Variants in CHMP4C observed in about 807,000 individuals in gnomAD.
CHMP4C encodes charged multivesicular body protein 4C.
In CHMP4C, 28 loss-of-function variants were observed where a neutral mutation model predicts 29.0. The observed-to-expected ratio is 0.97, with a 90% confidence interval of 0.72 to 1.32. The LOEUF (loss-of-function observed/expected upper bound fraction) is 1.32, where lower values mean the gene tolerates loss of function less well. CHMP4C is among the 40% of genes most tolerant of loss of function. The pLI is 0.00. For synonymous variants in CHMP4C, 106 were observed against 102.4 expected (o/e 1.04, Z -0.21); for missense variants, 291 against 281.0 (o/e 1.04, Z -0.25).
At chr8:81,755,929 T>A (rs1410596859) in intron 3 of CHMP4C, among the ~76,000 whole-genome samples, 2 of 152,202 alleles carry the variant, frequency 1.3e-5, no homozygotes, top group African/African-American at 4.8e-5. Flanking sequence ...AGTGGCATTA[T>A]TAACACACAC....
chr8:81,735,298 G>A (rs1387235637), intron 1 of CHMP4C, among the ~76,000 whole-genome samples: 1 of 152,164 alleles, frequency 6.6e-6, no homozygotes, highest in Non-Finnish European at 1.5e-5. Context: ...AGTAAGAAGA[G>A]GCTGGTTAGC....
chr8:81,751,918 TA>T lies in CHMP4C; in HGVS notation c.191-1140del, dbSNP rs371917852. Reference sequence around the variant, plus strand: ...AAAAATTTTTAGAGACAAATTGTAATAAAAAACTGGCATATTAACTTAATAT... The same window carrying T: ...AAAAATTTTTAGAGACAAATTGTAATAAAAACTGGCATATTAACTTAATAT... On this transcript the variant is annotated intron_variant, in intron 1 of 4. Coordinates refer to ENST00000297265, the MANE Select transcript of CHMP4C (RefSeq NM_152284.4). Among the ~76,000 whole-genome samples the T allele has an allele frequency of 1.3e-4, 20 of 152,192 alleles. No homozygotes were observed. In the East Asian group the frequency reaches 1.7e-3, roughly 13 times the overall value.
intron 1 of CHMP4C, among the ~76,000 whole-genome samples, chr8:81,740,859 G>T (rs2130478579): frequency 6.6e-6 from 1 of 152,280 alleles, no homozygotes; most frequent in Admixed American, 6.5e-5. Context: ...TCAGGATCTT[G>T]GTACTCAAAG....
chr8:81,739,169 T>C (rs1469967098), intron 1 of CHMP4C, among the ~76,000 whole-genome samples: 1 of 147,404 alleles, frequency 6.8e-6, no homozygotes, highest in Non-Finnish European at 1.5e-5. Context: ...TGATCTCGGC[T>C]CACTGCAACC....
chr8:81,738,976 C>A (rs1458347973), intron 1 of CHMP4C, among the ~76,000 whole-genome samples: 1 of 152,072 alleles, frequency 6.6e-6, no homozygotes, highest in Non-Finnish European at 1.5e-5. Flanking sequence ...GGATTACTCT[C>A]TATTTATTCT....
In CHMP4C at chr8:81,758,553, A is replaced by C; in HGVS notation, c.*9A>C. 6.3e-7 allele frequency: 1 copy of C among 1,579,502 alleles called. No individual in the cohort carries two copies. ...CAGCTTGGGCTACCTAAACTAAAAC[A>C]CATTTTTGATACCTAAATTAATGAG... On this transcript the variant is annotated 3_prime_UTR_variant, in exon 5 of 5. Coordinates refer to ENST00000297265, the MANE Select transcript of CHMP4C (RefSeq NM_152284.4).
At chr8:81,755,524 T>TCTTTATAGCAGCCAC in intron 3 of CHMP4C, 40 bp downstream of exon 3, 1 of 1,189,212 alleles carries the variant, frequency 8.4e-7, no homozygotes, top group Non-Finnish European at 1.3e-6. Context: ...TTGTGGCTGC[T>TCTTTATAGCAGCCAC]ATAAAGAGTA....
Position 81,758,477 on chromosome 8 carries a change from C to G in CHMP4C, c.638-3C>G. 1 of 1,611,366 alleles carries G rather than the reference C, an allele frequency of 6.2e-7. No homozygotes were observed. Among genetic ancestry groups the G allele is most frequent in the Non-Finnish European group, 8.5e-7 (1 of 1,177,854 alleles). ...ACTAATTTTTATCTATTTTATGTTCCAGCATCTTCCCAGAGGGCAGAAGAA... is the reference window on the plus strand; with the variant it reads ...ACTAATTTTTATCTATTTTATGTTCGAGCATCTTCCCAGAGGGCAGAAGAA... On this transcript the variant is annotated splice_region_variant and splice_polypyrimidine_tract_variant and intron_variant, in intron 4 of 4. Transcript: ENST00000297265.
rs547261765 is a variant in CHMP4C at position 81,739,342 on chromosome 8, A to G, written c.190+6526A>G. Among the ~76,000 whole-genome samples the G allele has an allele frequency of 2.8e-5, 4 of 140,946 alleles. No individual in the cohort carries two copies. The South Asian group carries it at 6.6e-4, about 23-fold the overall frequency. 92.5% of individuals were successfully genotyped at this position (140,946 alleles called of 152,430 possible). A position where few individuals can be genotyped will look rare whatever the true frequency, so the allele number is the denominator to read the frequency against. On this transcript the variant is annotated intron_variant, in intron 1 of 4. Transcript: ENST00000297265. ...GTATTCAAATTAGAATCAGTCATTA[A>G]AATACATTTCTTTGTGTGCCTTTGA...
intron 3 of CHMP4C, among the ~76,000 whole-genome samples, chr8:81,755,773 G>A (rs1423807968): frequency 2.0e-5 from 3 of 152,118 alleles, no homozygotes; most frequent in South Asian, 2.1e-4. Flanking sequence ...GCCCCATTAC[G>A]AGGAACTGAG....
chr8:81,758,432 A>T (rs1358963832), intron 4 of CHMP4C, 48 bp from the exon 5 acceptor site: 5 of 1,553,256 alleles, frequency 3.2e-6, no homozygotes, highest in Non-Finnish European at 4.4e-6. Context: ...TCTATGCTGA[A>T]AGTGTGAATG....
chr8:81,758,795 G>A lies in CHMP4C; in HGVS notation c.*251G>A. 2.4e-6 allele frequency: 1 copy of A among 412,978 alleles called. No individual in the cohort carries two copies. Among genetic ancestry groups the A allele is most frequent in the South Asian group, 3.7e-5 (1 of 27,024 alleles). 25.6% of individuals were successfully genotyped at this position (412,978 alleles called of 1,614,324 possible). On this transcript the variant is annotated 3_prime_UTR_variant, in exon 5 of 5. Transcript: ENST00000297265. ...GAGGCTGAGGCAGTTGAGACCAGGA[G>A]TTCGAGTCCAGCCTGACCAACATGA...
At chr8:81,735,523 C>T (rs1347484806) in intron 1 of CHMP4C, among the ~76,000 whole-genome samples, 1 of 152,174 alleles carries the variant, frequency 6.6e-6, no homozygotes, top group African/African-American at 2.4e-5. Flanking sequence ...CCCTGTGTGG[C>T]ACAATGCCAT....
chr8:81,755,240 C>G (rs1002171476), intron 2 of CHMP4C, 130 bp from the exon 3 acceptor site: 2 of 428,002 alleles, frequency 4.7e-6, no homozygotes, highest in Non-Finnish European at 8.3e-6. Flanking sequence ...TAAATATCAT[C>G]AGGAATATTT....
rs748909989 is a variant in CHMP4C at position 81,732,700 on chromosome 8, C to T, written c.74C>T (p.Ala25Val). 5 of 1,594,086 alleles carry T rather than the reference C, an allele frequency of 3.1e-6. No individual in the cohort carries two copies. The highest frequency in any genetic ancestry group is 4.3e-6 in the Non-Finnish European group (5 of 1,170,444). Residue 25 changes from alanine (A) to valine (V), a missense_variant, in exon 1 of 5, where the codon GCC becomes GTC. Physicochemically the swap from Ala to Val is moderately conservative, Grantham distance 64. Coordinates refer to ENST00000297265, the MANE Select transcript of CHMP4C (RefSeq NM_152284.4). ...CGAGCCGCTCCCAGTCCCCAGGAGGCCCTGGTCCGACTTCGGGAGACTGAG... is the reference window on the plus strand; with the variant it reads ...CGAGCCGCTCCCAGTCCCCAGGAGGTCCTGGTCCGACTTCGGGAGACTGAG... ...KSRAAPSPQE[A>V]LVRLRETEEM... is the part of the protein sequence containing the mutation.
Position 81,753,131 on chromosome 8 carries a change from T to G in CHMP4C, c.258T>G (p.Leu86=). ...AGCTCACTCAGATTGATGGCACACT[T>G]TCTACCATTGAGTTCCAGAGAGAAG... ...EKQLTQIDGT[L]STIEFQREAL... is the part of the protein sequence containing the mutation. Residue 86 remains leucine, a synonymous_variant, in exon 2 of 5, where the codon CTT becomes CTG. Transcript: ENST00000297265. 1 of 1,612,634 alleles carries G rather than the reference T, an allele frequency of 6.2e-7. No individual in the cohort carries two copies. The highest frequency in any genetic ancestry group is 8.5e-7 in the Non-Finnish European group (1 of 1,179,114).
At chr8:81,749,519 G>A (rs1256273317) in intron 1 of CHMP4C, among the ~76,000 whole-genome samples, 4 of 152,136 alleles carry the variant, frequency 2.6e-5, no homozygotes, top group Non-Finnish European at 5.9e-5. Flanking sequence ...AGGTGAGGTA[G>A]GATACATTTT....
intron 1 of CHMP4C, among the ~76,000 whole-genome samples, chr8:81,739,526 C>T (rs1808737799): frequency 6.6e-6 from 1 of 151,650 alleles, no homozygotes. Flanking sequence ...AAAGATAGAT[C>T]AATGGAAACA....
At chr8:81,747,050 C>G (rs1045025373) in intron 1 of CHMP4C, among the ~76,000 whole-genome samples, 1 of 152,080 alleles carries the variant, frequency 6.6e-6, no homozygotes, top group African/African-American at 2.4e-5. Context: ...AATGAGGGAG[C>G]CCAGATTTGA....
Sources: gnomAD v4.1 joint callset for allele counts (sites outside exome capture counted in the v4.1 genomes callset) on GRCh38, gnomAD v4.1.1 for gene constraint, MANE v1.5 for transcripts, NCBI Gene and HGNC (gene_info 2026-07-23, HGNC 2026-07-21) for gene names.